ANKH: variants seen among roughly 807,000 people sequenced by gnomAD.
ANKH encodes the protein mineralization regulator ANKH.
In ANKH, 15 loss-of-function variants were observed where a neutral mutation model predicts 49.0. The observed-to-expected ratio is 0.31, with a 90% CI of 0.20 to 0.47. The LOEUF (loss-of-function observed/expected upper bound fraction) is 0.47, where lower values mean the gene tolerates loss of function less well. ANKH is among the 20% of genes least tolerant of loss of function. The pLI is 1.00. For missense variants in ANKH, 429 were observed against 652.0 expected (o/e 0.66, Z 3.72); for synonymous variants, 273 against 260.0 (o/e 1.05, Z -0.48).
chr5:14,768,050 T>C (rs937685446), intron 2 of ANKH: 1 of 152,194 alleles, frequency 6.6e-6, no homozygotes, highest in Non-Finnish European at 1.5e-5. Flanking sequence ...GCACAAAATT[T>C]TATGTCACAT....
chr5:14,711,256 C>T lies in ANKH; in HGVS notation c.1420G>A (p.Asp474Asn), dbSNP rs1737185412. 2.5e-6 allele frequency: 4 copies of T among 1,614,030 alleles called. No homozygotes were observed. The highest frequency in any genetic ancestry group is 1.6e-4 in the Middle Eastern group (1 of 6,084). The change falls in exon 12 of 12, where the codon GAC (aspartate) becomes AAC (asparagine). Residue 474 changes from aspartate to asparagine, a missense_variant. By Grantham distance (23) the Asp-to-Asn change is conservative. Coordinates refer to ENST00000284268, the MANE Select transcript of ANKH (RefSeq NM_054027.6). The part of the protein sequence containing the change: ...ATEGEDSAMT[D>N]MPPTEEVTDI... ...GTCACCTCCTCTGTCGGAGGCATGT[C>T]TGTCATGGCAGAGTCTTCCCCCTCC... is the stretch of plus-strand genomic sequence containing the variant.
At chr5:14,749,685 C>T (rs534491273) in intron 5 of ANKH, among the ~76,000 whole-genome samples, 6 of 152,304 alleles carry the variant, frequency 3.9e-5, no homozygotes, top group Admixed American at 2.6e-4. Flanking sequence ...CTGGAAGCCA[C>T]GTCAGGAAGA....
At chr5:14,855,677 C>G (rs1013944413) in intron 1 of ANKH, among the ~76,000 whole-genome samples, 4 of 152,028 alleles carry the variant, frequency 2.6e-5, no homozygotes, top group Non-Finnish European at 5.9e-5. Flanking sequence ...TCACCCTCTC[C>G]CTAAGCCTGT....
chr5:14,859,298 A>T (rs1284555136), intron 1 of ANKH, among the ~76,000 whole-genome samples: 1 of 152,230 alleles, frequency 6.6e-6, no homozygotes, highest in Non-Finnish European at 1.5e-5. Flanking sequence ...GTCTTATTTT[A>T]CTTAGCATAA....
At chr5:14,858,757 ATAAAAT>A (rs1392319451) in intron 1 of ANKH, among the ~76,000 whole-genome samples, 2 of 62,694 alleles carry the variant, frequency 3.2e-5, no homozygotes, top group African/African-American at 7.5e-5. Flanking sequence ...AAATAAATAA[ATAAAAT>A]AAAATAAAAT....
At chr5:14,826,295 T>A (rs1173954281) in intron 1 of ANKH, among the ~76,000 whole-genome samples, 1 of 152,230 alleles carries the variant, frequency 6.6e-6, no homozygotes, top group East Asian at 1.9e-4. Flanking sequence ...AGTCTCAAGC[T>A]GTATATCTGG....
At chr5:14,822,261 C>G (rs56222699) in intron 1 of ANKH, among the ~76,000 whole-genome samples, 3,726 of 152,228 alleles carry the variant, frequency 0.024, 62 homozygotes, top group Middle Eastern at 0.068. Flanking sequence ...TGATGACATA[C>G]AGGAATAATA....
At chr5:14,789,008 C>A (rs1176115309) in intron 1 of ANKH, among the ~76,000 whole-genome samples, 1 of 152,208 alleles carries the variant, frequency 6.6e-6, no homozygotes, top group Non-Finnish European at 1.5e-5. Flanking sequence ...GCGGGTGGAT[C>A]ACCTGAGCCC....
At chr5:14,749,100 GGAAAT>G in intron 6 of ANKH, 67 bp downstream of exon 6, 1 of 1,600,804 alleles carries the variant, frequency 6.2e-7, no homozygotes, top group Non-Finnish European at 8.6e-7. Context: ...GAGAAGAACT[GGAAAT>G]CAGTTTCAGC....
chr5:14,710,485 C>T lies in ANKH; in HGVS notation c.*712G>A, dbSNP rs370243294. 6.5e-6 allele frequency: 1 copy of T among 153,390 alleles called. No individual in the cohort carries two copies. Among genetic ancestry groups the T allele is most frequent in the Non-Finnish European group, 1.5e-5 (1 of 68,960 alleles). The allele number at this position is 153,390 out of a possible 1,614,324, so 9.5% of individuals were successfully genotyped here. On this transcript the variant is annotated 3_prime_UTR_variant, in exon 12 of 12. Transcript: ENST00000284268. The stretch of plus-strand genomic sequence containing the variant: ...CAGCTTGCTCAGATCTAGGAGAACG[C>T]AGAGTGAAATGCTATCATTCAACCA...
chr5:14,798,213 A>G (rs1293788509), intron 1 of ANKH: 1 of 1,594,972 alleles, frequency 6.3e-7, no homozygotes, highest in Non-Finnish European at 8.6e-7. Context: ...AAGTCGATGA[A>G]GGCTGAAATC....
chr5:14,821,301 T>C (rs982072832), intron 1 of ANKH, among the ~76,000 whole-genome samples: 1 of 152,306 alleles, frequency 6.6e-6, no homozygotes, highest in Admixed American at 6.5e-5. Context: ...CCAAAGGTCA[T>C]AGCTTCTTCA....
At chr5:14,751,277 A>G in intron 4 of ANKH, 38 bp from the exon 5 acceptor site, 1 of 1,608,018 alleles carries the variant, frequency 6.2e-7, no homozygotes, top group Non-Finnish European at 8.5e-7. Flanking sequence ...CAGAGGGGAG[A>G]AGCGGGAACC....
intron 1 of ANKH, among the ~76,000 whole-genome samples, chr5:14,800,911 A>G (rs1231591901): frequency 1.3e-5 from 2 of 151,960 alleles, no homozygotes; most frequent in Non-Finnish European, 1.5e-5. Flanking sequence ...TTTTTTGTAA[A>G]GATGAGGTCT....
At position 14,712,866 on chromosome 5, in the gene ANKH, T is replaced by C; in HGVS notation, c.1365+8A>G. ...CCCGGGAGGAGGCTCCCGGCGCGGC[T>C]GTCTCACCTGCTTCCGGTAGACATA... On this transcript the variant is annotated splice_region_variant and intron_variant, in intron 11 of 11. Transcript: ENST00000284268. 1 of 1,602,930 alleles carries C rather than the reference T, an allele frequency of 6.2e-7. No individual in the cohort carries two copies. The highest frequency in any genetic ancestry group is 8.5e-7 in the Non-Finnish European group (1 of 1,175,298).
chr5:14,820,910 C>T (rs1217881840), intron 1 of ANKH, among the ~76,000 whole-genome samples: 6 of 152,044 alleles, frequency 3.9e-5, no homozygotes, highest in Non-Finnish European at 8.8e-5. Context: ...CCAGCCTGGG[C>T]GACATGATAA....
intron 9 of ANKH, among the ~76,000 whole-genome samples, chr5:14,715,320 G>A (rs186273568): frequency 6.6e-6 from 1 of 152,164 alleles, no homozygotes; most frequent in Non-Finnish European, 1.5e-5. Flanking sequence ...TAGTAGAGAC[G>A]GGGTTTCACC....
chr5:14,861,615 G>A (rs1011828886), intron 1 of ANKH, among the ~76,000 whole-genome samples: 2 of 152,118 alleles, frequency 1.3e-5, no homozygotes, highest in Non-Finnish European at 2.9e-5. Flanking sequence ...AGCCACACAC[G>A]TACAGCCCCT....
chr5:14,819,939 ATT>A (rs1286851951), intron 1 of ANKH, among the ~76,000 whole-genome samples: 1 of 145,608 alleles, frequency 6.9e-6, no homozygotes, highest in Non-Finnish European at 1.5e-5. Context: ...ACACACACAC[ATT>A]AAGCCTAATC....
Sources: allele counts gnomAD v4.1 joint callset (sites outside exome capture counted in the v4.1 genomes callset), GRCh38; gene constraint gnomAD v4.1.1; transcripts MANE v1.5; gene names NCBI Gene and HGNC (gene_info 2026-07-23, HGNC 2026-07-21).